The following CHRNA7 variants were observed in gnomAD, a reference collection of about 807,000 sequenced individuals.
CHRNA7 encodes the protein neuronal acetylcholine receptor subunit alpha-7.
CHRNA7 carries 17 observed loss-of-function variants against 48.0 expected under a neutral mutation model. That is an observed-to-expected ratio of 0.35 (90% CI 0.24 to 0.53). The LOEUF (loss-of-function observed/expected upper bound fraction) is 0.53, where lower values mean the gene tolerates loss of function less well. CHRNA7 is among the 20% of genes least tolerant of loss of function. The pLI is 0.92. For missense variants in CHRNA7, 155 were observed against 577.7 expected (o/e 0.27, Z 7.50); for synonymous variants, 75 against 242.3 (o/e 0.31, Z 6.41).
intron 4 of CHRNA7, among the ~76,000 whole-genome samples, chr15:32,131,779 A>G (rs1480319236): frequency 6.6e-6 from 1 of 152,144 alleles, no homozygotes; most frequent in Non-Finnish European, 1.5e-5. Flanking sequence ...TTATTGTTTG[A>G]GACTCCAAGT....
At chr15:32,126,422 G>A (rs749338969) in intron 4 of CHRNA7, among the ~76,000 whole-genome samples, 3 of 152,130 alleles carry the variant, frequency 2.0e-5, no homozygotes, top group Non-Finnish European at 4.4e-5. Context: ...GTTGAACTCT[G>A]CCTCATTTAT....
intron 4 of CHRNA7, among the ~76,000 whole-genome samples, chr15:32,151,764 A>G (rs1484786840): frequency 1.3e-5 from 2 of 151,968 alleles, no homozygotes; most frequent in African/African-American, 2.4e-5. Context: ...TTAAGAAGTG[A>G]TTTTTCCTTC....
chr15:32,098,478 G>A (rs1324525615), intron 2 of CHRNA7, among the ~76,000 whole-genome samples: 1 of 152,176 alleles, frequency 6.6e-6, no homozygotes, highest in Non-Finnish European at 1.5e-5. Flanking sequence ...TCAGTCAAGA[G>A]CCATTTTGCA....
At chr15:32,060,958 T>C (rs955436676) in intron 2 of CHRNA7, among the ~76,000 whole-genome samples, 17 of 152,164 alleles carry the variant, frequency 1.1e-4, no homozygotes, top group African/African-American at 3.1e-4. Flanking sequence ...AGGGCTGATA[T>C]GCAGAGCTGC....
At chr15:32,105,823 C>G (rs1396172356) in intron 3 of CHRNA7, among the ~76,000 whole-genome samples, 1 of 152,182 alleles carries the variant, frequency 6.6e-6, no homozygotes, top group Admixed American at 6.5e-5. Context: ...AAAGCGGCAC[C>G]TGTAGATGAT....
intron 4 of CHRNA7, among the ~76,000 whole-genome samples, chr15:32,122,635 T>C (rs2050991523): frequency 6.6e-6 from 1 of 152,134 alleles, no homozygotes; most frequent in Non-Finnish European, 1.5e-5. Context: ...CCTAAAATGT[T>C]TGTGTATGCT....
intron 2 of CHRNA7, among the ~76,000 whole-genome samples, chr15:32,047,142 T>C (rs1430523888): frequency 1.5e-5 from 2 of 135,054 alleles, no homozygotes; most frequent in Non-Finnish European, 3.1e-5. Flanking sequence ...TAGGATTGAC[T>C]TGGTGATGCG....
At chr15:32,098,308 G>A (rs2050507309) in intron 2 of CHRNA7, among the ~76,000 whole-genome samples, 1 of 152,210 alleles carries the variant, frequency 6.6e-6, no homozygotes, top group South Asian at 2.1e-4. Context: ...GTGGGGAAAG[G>A]GGAGGGGACA....
intron 4 of CHRNA7, among the ~76,000 whole-genome samples, chr15:32,116,272 G>T (rs945651770): frequency 4.6e-5 from 7 of 152,166 alleles, no homozygotes; most frequent in Non-Finnish European, 2.9e-5. Context: ...GAGTCCCCAC[G>T]TGAGTCACTA....
chr15:32,118,449 C>A (rs2141292780), intron 4 of CHRNA7, among the ~76,000 whole-genome samples: 1 of 152,262 alleles, frequency 6.6e-6, no homozygotes, highest in East Asian at 1.9e-4. Context: ...CTGTATTAAT[C>A]AGATATTCAC....
chr15:32,138,432 A>G (rs572440452), intron 4 of CHRNA7, among the ~76,000 whole-genome samples: 15 of 152,088 alleles, frequency 9.9e-5, no homozygotes, highest in African/African-American at 3.6e-4. Context: ...ACAAGTTCCC[A>G]TGTCCCCTCC....
At chr15:32,055,560 C>A (rs941684740) in intron 2 of CHRNA7, among the ~76,000 whole-genome samples, 1 of 152,196 alleles carries the variant, frequency 6.6e-6, no homozygotes, top group Non-Finnish European at 1.5e-5. Flanking sequence ...CCCAAGGTAA[C>A]TGCATTAGTC....
chr15:32,138,046 A>G lies in CHRNA7; in HGVS notation c.351-15861A>G, dbSNP rs534620174. Among the ~76,000 whole-genome samples the G allele has an allele frequency of 1.0e-3, 157 of 152,348 alleles. 2 individuals carry two copies. The highest frequency in any genetic ancestry group is 3.7e-3 in the African/African-American group (155 of 41,590). On this transcript the variant is annotated intron_variant, in intron 4 of 9. Coordinates refer to ENST00000306901, the MANE Select transcript of CHRNA7 (RefSeq NM_000746.6). ...AACTCAAGAAGTTATAAAATATAACATTAACTCCAATGAAAAAAAGAAGGA... is the reference window on the plus strand; with the variant it reads ...AACTCAAGAAGTTATAAAATATAACGTTAACTCCAATGAAAAAAAGAAGGA...
intron 4 of CHRNA7, among the ~76,000 whole-genome samples, chr15:32,129,116 A>G (rs1399590403): frequency 6.6e-6 from 1 of 151,966 alleles, no homozygotes; most frequent in Non-Finnish European, 1.5e-5. Context: ...CTACTTGGTC[A>G]TGTGTGTAAT....
chr15:32,135,174 G>A (rs1434371942), intron 4 of CHRNA7, among the ~76,000 whole-genome samples: 5 of 152,314 alleles, frequency 3.3e-5, no homozygotes, highest in Middle Eastern at 3.4e-3. Context: ...CTCATGCCGG[G>A]GATAGGTGCT....
At chr15:32,060,863 G>A (rs1305770385) in intron 2 of CHRNA7, among the ~76,000 whole-genome samples, 1 of 152,152 alleles carries the variant, frequency 6.6e-6, no homozygotes, top group African/African-American at 2.4e-5. Flanking sequence ...TCACTGAGGT[G>A]CGATGGCATT....
intron 9 of CHRNA7, among the ~76,000 whole-genome samples, chr15:32,166,799 C>A (rs1360648779): frequency 8.3e-5 from 11 of 132,686 alleles, no homozygotes; most frequent in Non-Finnish European, 1.6e-4. Context: ...CCATGAGAGG[C>A]AAAACCAGGA....
At chr15:32,081,991 G>A (rs1337971698) in intron 2 of CHRNA7, among the ~76,000 whole-genome samples, 1 of 152,060 alleles carries the variant, frequency 6.6e-6, no homozygotes, top group Non-Finnish European at 1.5e-5. Flanking sequence ...ATAGGATTCT[G>A]AGGTGATCTT....
intron 2 of CHRNA7, among the ~76,000 whole-genome samples, chr15:32,077,334 A>C (rs2050150750): frequency 6.6e-6 from 1 of 152,176 alleles, no homozygotes; most frequent in African/African-American, 2.4e-5. Context: ...TGCTGGATTA[A>C]ATGGTAAGAG....
Sources: allele counts gnomAD v4.1 joint callset (sites outside exome capture counted in the v4.1 genomes callset), GRCh38; gene constraint gnomAD v4.1.1; transcripts MANE v1.5; gene names NCBI Gene and HGNC (gene_info 2026-07-23, HGNC 2026-07-21).